The following AGPAT4 variants were observed in gnomAD, a reference collection of about 807,000 sequenced individuals.
AGPAT4 encodes 1-acyl-sn-glycerol-3-phosphate acyltransferase delta.
AGPAT4 carries 15 observed loss-of-function variants against 48.0 expected under a neutral mutation model. That is an observed-to-expected ratio of 0.31 (90% CI 0.21 to 0.48). The LOEUF is 0.48. Among genes scored for constraint, AGPAT4 ranks in the 20% least tolerant of loss-of-function variants. The pLI, the probability that AGPAT4 is intolerant of heterozygous loss-of-function variation, is 0.99. For missense variants in AGPAT4, 314 were observed against 482.5 expected (o/e 0.65, Z 3.27); for synonymous variants, 178 against 198.7 (o/e 0.90, Z 0.88).
In AGPAT4 at chr6:161,178,457, T is replaced by C. The variant is rs1562325845; in HGVS notation, c.179-12040A>G. ...AGACACGGGATATAATCTCCTGGTG[T>C]GCCATTTGCTAAGACCGTTGGAAAA... On this transcript the variant is annotated intron_variant, in intron 2 of 8. Coordinates refer to ENST00000320285, the MANE Select transcript of AGPAT4 (RefSeq NM_020133.3). This position sits in a 1 kb window ranked among gnomAD's most constrained non-coding sequence, Gnocchi z 5.1. Among the ~76,000 whole-genome samples the C allele has an allele frequency of 6.6e-6, 1 of 152,212 alleles. No homozygotes were observed. The highest frequency in any genetic ancestry group is 1.5e-5 in the Non-Finnish European group (1 of 68,046).
In AGPAT4 at chr6:161,142,551, C is replaced by T. The variant is rs954135397; in HGVS notation, c.844-2931G>A. Among the ~76,000 whole-genome samples the T allele has an allele frequency of 1.1e-4, 16 of 152,196 alleles. No individual in the cohort carries two copies. Among genetic ancestry groups the T allele is most frequent in the African/African-American group, 3.9e-4 (16 of 41,448 alleles). ...CGGCAGATCCCCGGACGAACGCCCCCTGCAGCCCGCAACAAAGGCACTAGG... is the reference window on the plus strand; with the variant it reads ...CGGCAGATCCCCGGACGAACGCCCCTTGCAGCCCGCAACAAAGGCACTAGG... On this transcript the variant is annotated intron_variant, in intron 7 of 8. Coordinates refer to ENST00000320285, the MANE Select transcript of AGPAT4 (RefSeq NM_020133.3). The surrounding 1 kb of genome is among the most constrained non-coding windows in gnomAD (Gnocchi z 6.4).
intron 2 of AGPAT4, among the ~76,000 whole-genome samples, chr6:161,175,910 G>A (rs1286591249): frequency 6.6e-6 from 1 of 152,186 alleles, no homozygotes; most frequent in Non-Finnish European, 1.5e-5. Flanking sequence ...TAGTCATTCA[G>A]GAGCCAGTTG....
intron 2 of AGPAT4, among the ~76,000 whole-genome samples, chr6:161,168,790 G>A (rs546597698): frequency 1.3e-5 from 2 of 152,318 alleles, no homozygotes; most frequent in African/African-American, 4.8e-5. Context: ...TAATAGGATG[G>A]CTGCTGAATA....
At chr6:161,211,782 T>A (rs1306932357) in intron 2 of AGPAT4, among the ~76,000 whole-genome samples, 1 of 152,172 alleles carries the variant, frequency 6.6e-6, no homozygotes, top group Admixed American at 6.5e-5. Flanking sequence ...AGTTACAGGA[T>A]TTTGAGTCCT....
At chr6:161,253,651 T>C (rs1303901753) in intron 1 of AGPAT4, among the ~76,000 whole-genome samples, 1 of 143,820 alleles carries the variant, frequency 7.0e-6, no homozygotes, top group African/African-American at 2.9e-5. Flanking sequence ...ATAAATATAT[T>C]GCACCCCCCA....
In AGPAT4 at chr6:161,177,629, G is replaced by A. The variant is rs534775782; in HGVS notation, c.179-11212C>T. Among the ~76,000 whole-genome samples the A allele has an allele frequency of 8.5e-5, 13 of 152,064 alleles. No individual in the cohort carries two copies. The highest frequency in any genetic ancestry group is 2.1e-4 in the South Asian group (1 of 4,804). On this transcript the variant is annotated intron_variant, in intron 2 of 8. Coordinates refer to ENST00000320285, the MANE Select transcript of AGPAT4 (RefSeq NM_020133.3). This position sits in a 1 kb window ranked among gnomAD's most constrained non-coding sequence, Gnocchi z 5.0. ...TCGGAGAAGTTTGTTATTACTGATC[G>A]TCTGAAGCCTTCTTTTCTCAACATG...
In AGPAT4 at chr6:161,203,187, A is replaced by G. The variant is rs114233781; in HGVS notation, c.178+28849T>C. Reference sequence around the variant, plus strand: ...ATATCCTGCATTATCATTGTCTGTTATAGTCTCTCTCTCTCCCATTAGGTT... The same window carrying G: ...ATATCCTGCATTATCATTGTCTGTTGTAGTCTCTCTCTCTCCCATTAGGTT... On this transcript the variant is annotated intron_variant, in intron 2 of 8. Coordinates refer to ENST00000320285, the MANE Select transcript of AGPAT4 (RefSeq NM_020133.3). Among the ~76,000 whole-genome samples the G allele has an allele frequency of 8.2e-4, 125 of 152,232 alleles. 1 individual carries two copies. The highest frequency in any genetic ancestry group is 2.9e-3 in the African/African-American group (119 of 41,542).
At position 161,267,180 on chromosome 6, in the gene AGPAT4, T is replaced by C. The variant is rs1401352139; in HGVS notation, c.-90+6758A>G. ...TCTTTAATTTAATGTATGTACTGCATTGTCACTCAGATGGTTTTAATCACA... is the reference window on the plus strand; with the variant it reads ...TCTTTAATTTAATGTATGTACTGCACTGTCACTCAGATGGTTTTAATCACA... On this transcript the variant is annotated intron_variant, in intron 1 of 8. Coordinates refer to ENST00000320285, the MANE Select transcript of AGPAT4 (RefSeq NM_020133.3). This position sits in a 1 kb window ranked among gnomAD's most constrained non-coding sequence, Gnocchi z 5.2. Among the ~76,000 whole-genome samples the C allele has an allele frequency of 1.3e-5, 2 of 152,194 alleles. No individual in the cohort carries two copies. The highest frequency in any genetic ancestry group is 2.9e-5 in the Non-Finnish European group (2 of 68,034).
chr6:161,197,117 A>G lies in AGPAT4; in HGVS notation c.179-30700T>C, dbSNP rs1583320927. Among the ~76,000 whole-genome samples, 1 of 152,214 alleles carries G rather than the reference A, an allele frequency of 6.6e-6. No individual in the cohort carries two copies. The highest frequency in any genetic ancestry group is 2.1e-4 in the South Asian group (1 of 4,834). ...TGTTTCATGGAACGGATCCAGGAAC[A>G]CTTTAATTTGCCGATACTAATGAGT... On this transcript the variant is annotated intron_variant, in intron 2 of 8. Transcript: ENST00000320285. The surrounding 1 kb of genome is among the most constrained non-coding windows in gnomAD (Gnocchi z 5.7).
intron 1 of AGPAT4, among the ~76,000 whole-genome samples, chr6:161,265,476 G>A (rs563012788): frequency 4.0e-5 from 6 of 151,358 alleles, no homozygotes; most frequent in African/African-American, 1.2e-4. Flanking sequence ...AGTACCCACC[G>A]CTGGACTGGG....
intron 2 of AGPAT4, among the ~76,000 whole-genome samples, chr6:161,173,018 CA>C (rs1205346150): frequency 7.9e-5 from 12 of 152,138 alleles, no homozygotes; most frequent in African/African-American, 1.9e-4. Context: ...GTATATGTGC[CA>C]AATTTTCTTA....
In AGPAT4 at chr6:161,136,510, G is replaced by T. The variant is rs1779070644; in HGVS notation, c.*30C>A. 1.2e-6 allele frequency: 2 copies of T among 1,601,818 alleles called. No homozygotes were observed. The highest frequency in any genetic ancestry group is 1.7e-5 in the Admixed American group (1 of 59,974). ...ATGCAGAGGCCACCAGTTCCCCAAG[G>T]TTCCCTTCGGATGGTGACACCTCCC... On this transcript the variant is annotated 3_prime_UTR_variant, in exon 9 of 9. Coordinates refer to ENST00000320285, the MANE Select transcript of AGPAT4 (RefSeq NM_020133.3).
In AGPAT4 at chr6:161,232,327, G is replaced by T; in HGVS notation, c.-89-25C>A. 2 of 1,056,424 alleles carry T rather than the reference G, an allele frequency of 1.9e-6. No homozygotes were observed. The highest frequency in any genetic ancestry group is 1.9e-5 in the South Asian group (1 of 51,872). The allele number at this position is 1,056,424 out of a possible 1,614,324, so 65.4% of individuals were successfully genotyped here. A position where few individuals can be genotyped will look rare whatever the true frequency, so the allele number is the denominator to read the frequency against. Reference sequence around the variant, plus strand: ...TCTAAAACACAAACAAATAGGAAATGTTAGCAAAAACACGATGTGCTTTTA... The same window carrying T: ...TCTAAAACACAAACAAATAGGAAATTTTAGCAAAAACACGATGTGCTTTTA... On this transcript the variant is annotated intron_variant, in intron 1 of 8. Coordinates refer to ENST00000320285, the MANE Select transcript of AGPAT4 (RefSeq NM_020133.3). This position sits in a 1 kb window ranked among gnomAD's most constrained non-coding sequence, Gnocchi z 6.8.
rs1404651186 is a variant in AGPAT4, at chr6:161,166,222, CA to C, written c.348+25del. The C allele has an allele frequency of 6.2e-7, 1 of 1,610,420 alleles. No homozygotes were observed. Among genetic ancestry groups the C allele is most frequent in the East Asian group, 2.2e-5 (1 of 44,828 alleles). Reference sequence around the variant, plus strand: ...GGCTGAACCAGAGAAATGTGTGAGGCAGGGGGGAATGCACTTCTGACTTACC... The same window carrying C: ...GGCTGAACCAGAGAAATGTGTGAGGCGGGGGGAATGCACTTCTGACTTACC... On this transcript the variant is annotated intron_variant, in intron 3 of 8. Coordinates refer to ENST00000320285, the MANE Select transcript of AGPAT4 (RefSeq NM_020133.3). This position sits in a 1 kb window ranked among gnomAD's most constrained non-coding sequence, Gnocchi z 6.7.
chr6:161,194,923 C>G (rs1781032006), intron 2 of AGPAT4, among the ~76,000 whole-genome samples: 1 of 152,142 alleles, frequency 6.6e-6, no homozygotes, highest in Non-Finnish European at 1.5e-5. Flanking sequence ...TAAAGAGGAA[C>G]AACTTCCTTA....
chr6:161,135,991 C>G lies in AGPAT4; in HGVS notation c.*549G>C. ...GCCCACACCTCCGCGGCAGCTGCCT[C>G]CCGTGAGTAGGATCTGAAACACCAA... On this transcript the variant is annotated 3_prime_UTR_variant, in exon 9 of 9. Transcript: ENST00000320285. 1 of 154,902 alleles carries G rather than the reference C, an allele frequency of 6.5e-6. No individual in the cohort carries two copies. Among genetic ancestry groups the G allele is most frequent in the Admixed American group, 6.4e-5 (1 of 15,556 alleles). 9.6% of individuals were successfully genotyped at this position (154,902 alleles called of 1,614,324 possible).
rs564268841 is a variant in AGPAT4 at position 161,261,111 on chromosome 6, C to T, written c.-90+12827G>A. Reference sequence around the variant, plus strand: ...CCCTTTTCTCCCACTGTTGACTTGCCAAACATGTGTTTATCCTTCCAACCC... The same window carrying T: ...CCCTTTTCTCCCACTGTTGACTTGCTAAACATGTGTTTATCCTTCCAACCC... On this transcript the variant is annotated intron_variant, in intron 1 of 8. Transcript: ENST00000320285. The surrounding 1 kb of genome is among the most constrained non-coding windows in gnomAD (Gnocchi z 5.3). 3.6e-4 allele frequency among the ~76,000 whole-genome samples: 55 copies of T among 152,272 alleles called. No homozygotes were observed. Among genetic ancestry groups the T allele is most frequent in the African/African-American group, 1.2e-3 (51 of 41,534 alleles).
intron 2 of AGPAT4, among the ~76,000 whole-genome samples, chr6:161,175,951 G>C (rs1404256722): frequency 6.6e-6 from 1 of 152,216 alleles, no homozygotes; most frequent in Non-Finnish European, 1.5e-5. Context: ...GTGGTTTTGA[G>C]TGAGTTTCTT....
At chr6:161,167,993 T>A (rs1780154392) in intron 2 of AGPAT4, among the ~76,000 whole-genome samples, 1 of 152,222 alleles carries the variant, frequency 6.6e-6, no homozygotes, top group Admixed American at 6.5e-5. Context: ...TGTCTACCTA[T>A]TTCTAGGAAC....
Sources: allele counts gnomAD v4.1 joint callset (sites outside exome capture counted in the v4.1 genomes callset), GRCh38; gene constraint gnomAD v4.1.1; non-coding constraint Gnocchi (gnomAD v3.1); transcripts MANE v1.5; gene names NCBI Gene and HGNC (gene_info 2026-07-23, HGNC 2026-07-21).